The following CSMD1 variants were observed in gnomAD, a reference collection of about 807,000 sequenced individuals.
CSMD1 encodes CUB and sushi domain-containing protein 1.
CSMD1 carries 213 observed loss-of-function variants against 417.5 expected under a neutral mutation model. That is an observed-to-expected ratio of 0.51 (90% confidence interval 0.46 to 0.57). The LOEUF (loss-of-function observed/expected upper bound fraction) is 0.57. Ranked by LOEUF, CSMD1 falls within the 20% of genes least tolerant of loss-of-function variation. The pLI is 0.00. For missense variants in CSMD1, 6,923 were observed against 4,529.7 expected (o/e 1.53, Z -15.17); for synonymous variants, 2,862 against 1,736.8 (o/e 1.65, Z -16.11).
intron 2 of CSMD1, among the ~76,000 whole-genome samples, chr8:4,460,146 G>A (rs968459930): frequency 2.6e-5 from 4 of 152,090 alleles, no homozygotes; most frequent in African/African-American, 9.7e-5. Flanking sequence ...TAAAATGAGT[G>A]AAATTATATA....
intron 3 of CSMD1, among the ~76,000 whole-genome samples, chr8:4,205,880 T>G (rs138873155): frequency 6.6e-6 from 1 of 152,170 alleles, no homozygotes; most frequent in Admixed American, 6.5e-5. Context: ...AACTTCCTAT[T>G]ATGCACTGTG....
intron 7 of CSMD1, among the ~76,000 whole-genome samples, chr8:3,648,391 T>C (rs1484784387): frequency 1.3e-5 from 2 of 152,230 alleles, no homozygotes; most frequent in Non-Finnish European, 2.9e-5. Flanking sequence ...TTTGTGAGAC[T>C]GACATGCTGC....
chr8:4,917,399 C>T (rs1044519744), intron 1 of CSMD1, among the ~76,000 whole-genome samples: 8 of 152,176 alleles, frequency 5.3e-5, no homozygotes, highest in East Asian at 1.9e-4. Context: ...CTTTGGGAGG[C>T]CAAGGTGGGC....
At chr8:4,197,294 A>C (rs1176204628) in intron 3 of CSMD1, among the ~76,000 whole-genome samples, 1 of 152,248 alleles carries the variant, frequency 6.6e-6, no homozygotes, top group Non-Finnish European at 1.5e-5. Context: ...ATTAAGTATT[A>C]TGATGGGTAA....
chr8:4,594,664 C>T (rs1008238957), intron 2 of CSMD1, among the ~76,000 whole-genome samples: 1 of 152,202 alleles, frequency 6.6e-6, no homozygotes, highest in Non-Finnish European at 1.5e-5. Flanking sequence ...ACATTTTACT[C>T]TGCTGCCCAT....
intron 1 of CSMD1, among the ~76,000 whole-genome samples, chr8:4,698,450 T>A (rs1347154286): frequency 2.0e-5 from 3 of 152,120 alleles, no homozygotes; most frequent in African/African-American, 7.2e-5. Flanking sequence ...TTCGCAAACT[T>A]TCATGCTTAT....
At chr8:3,629,024 T>C (rs1256791301) in intron 7 of CSMD1, among the ~76,000 whole-genome samples, 2 of 152,070 alleles carry the variant, frequency 1.3e-5, no homozygotes, top group African/African-American at 4.8e-5. Context: ...AATTCTAACC[T>C]TTGCTTCAAG....
intron 68 of CSMD1, among the ~76,000 whole-genome samples, chr8:2,945,951 A>C (rs1802202985): frequency 6.6e-6 from 1 of 152,192 alleles, no homozygotes; most frequent in African/African-American, 2.4e-5. Flanking sequence ...ACATCCTGTC[A>C]CGCAACACTT....
Position 4,580,476 on chromosome 8 carries a change from C to G in CSMD1, c.302+56866G>C, listed in dbSNP as rs376597647. ...TACAGGTGAGAAAATTGAGGCATAG[C>G]GAAGTTATGGAAATTTCCTAATATC... is the stretch of plus-strand genomic sequence containing the variant. On this transcript the variant is annotated intron_variant, in intron 2 of 69. Transcript: ENST00000635120. Among the ~76,000 whole-genome samples the G allele has an allele frequency of 3.9e-5, 6 of 152,256 alleles. No homozygotes were observed. The South Asian group carries it at 8.3e-4, about 21-fold the overall frequency.
intron 3 of CSMD1, among the ~76,000 whole-genome samples, chr8:4,203,207 C>A (rs1003287038): frequency 6.6e-6 from 1 of 152,140 alleles, no homozygotes; most frequent in Non-Finnish European, 1.5e-5. Context: ...ACCTTGCTGG[C>A]TTTGAAGATG....
intron 30 of CSMD1, among the ~76,000 whole-genome samples, chr8:3,207,987 T>C (rs1327292569): frequency 3.3e-5 from 5 of 152,186 alleles, no homozygotes; most frequent in Non-Finnish European, 5.9e-5. Flanking sequence ...CCTCAGATAT[T>C]TCTCTCCACC....
In CSMD1 at chr8:3,485,561, A is replaced by AGAGAGAGG. The variant is rs1817981615; in HGVS notation, c.1448+8061_1448+8062insCCTCTCTC. Among the ~76,000 whole-genome samples, 12 of 147,226 alleles carry AGAGAGAGG rather than the reference A, an allele frequency of 8.2e-5. 1 individual carries two copies. In the South Asian group the frequency reaches 2.3e-3, roughly 29 times the overall value. On this transcript the variant is annotated intron_variant, in intron 11 of 69. Transcript: ENST00000635120. ...CACAGAGAGAGAGAGAGAGAGAGAG[A>AGAGAGAGG]GAGGGAGAGAGAGAAACACAAATGA...
chr8:3,453,398 G>C (rs2117116401), intron 12 of CSMD1, among the ~76,000 whole-genome samples: 1 of 152,010 alleles, frequency 6.6e-6, no homozygotes, highest in African/African-American at 2.4e-5. Flanking sequence ...TTTTAATTGT[G>C]ATGTTAGGAT....
At chr8:4,836,015 G>C (rs1486865154) in intron 1 of CSMD1, among the ~76,000 whole-genome samples, 1 of 152,112 alleles carries the variant, frequency 6.6e-6, no homozygotes, top group African/African-American at 2.4e-5. Context: ...ACTAGGATGT[G>C]AAAAATAAAT....
At chr8:3,195,576 G>C (rs1316506604) in intron 33 of CSMD1, among the ~76,000 whole-genome samples, 3 of 152,136 alleles carry the variant, frequency 2.0e-5, no homozygotes, top group Non-Finnish European at 4.4e-5. Context: ...TATATTTTCT[G>C]TGAAATGACA....
chr8:3,413,995 C>T (rs950310244), intron 12 of CSMD1, among the ~76,000 whole-genome samples: 5 of 151,352 alleles, frequency 3.3e-5, no homozygotes, highest in African/African-American at 7.3e-5. Flanking sequence ...AAAAATTAGC[C>T]GGGAATGGTG....
intron 1 of CSMD1, among the ~76,000 whole-genome samples, chr8:4,705,762 G>C (rs1807897243): frequency 6.6e-6 from 1 of 152,014 alleles, no homozygotes; most frequent in African/African-American, 2.4e-5. Flanking sequence ...TTTAAAATAT[G>C]ACTGAATAAT....
chr8:4,987,049 T>C (rs1305297406), intron 1 of CSMD1, among the ~76,000 whole-genome samples: 2 of 152,176 alleles, frequency 1.3e-5, no homozygotes, highest in African/African-American at 4.8e-5. Flanking sequence ...ATCCATTGCA[T>C]TTTTACTATC....
chr8:4,694,041 G>A (rs545679956), intron 1 of CSMD1, among the ~76,000 whole-genome samples: 1 of 152,158 alleles, frequency 6.6e-6, no homozygotes, highest in African/African-American at 2.4e-5. Context: ...GTCAAGCTGG[G>A]AACTGCTTAG....
Sources: allele counts gnomAD v4.1 joint callset (sites outside exome capture counted in the v4.1 genomes callset), GRCh38; gene constraint gnomAD v4.1.1; transcripts MANE v1.5; gene names NCBI Gene and HGNC (gene_info 2026-07-23, HGNC 2026-07-21).